Variants in PRXL2C observed in about 807,000 individuals in gnomAD.
PRXL2C encodes the protein peroxiredoxin like 2C.
In PRXL2C, 38 loss-of-function variants were observed where a neutral mutation model predicts 24.9. That is an observed-to-expected ratio of 1.53 (90% CI 1.18 to 2.00). The LOEUF is 2.00. Among genes scored for constraint, PRXL2C ranks in the 30% most tolerant of loss-of-function variants. PRXL2C has a pLI of 0.00. For synonymous variants in PRXL2C, 98 were observed against 117.2 expected (o/e 0.84, Z 1.06); for missense variants, 294 against 290.9 (o/e 1.01, Z -0.08).
At chr9:96,653,318 C>A (rs1848300671) in intron 2 of PRXL2C, among the ~76,000 whole-genome samples, 2 of 151,924 alleles carry the variant, frequency 1.3e-5, no homozygotes, top group South Asian at 4.2e-4. Flanking sequence ...ACACTAGATG[C>A]ACCTGGAGGA....
At chr9:96,651,581 T>C in intron 3 of PRXL2C, 78 bp downstream of exon 3, 4 of 1,542,608 alleles carry the variant, frequency 2.6e-6, no homozygotes, top group Non-Finnish European at 3.6e-6. Flanking sequence ...TTAGCCTACA[T>C]TTAGTGGTTT....
chr9:96,647,966 C>G (rs566578515), intron 4 of PRXL2C, among the ~76,000 whole-genome samples: 3 of 152,144 alleles, frequency 2.0e-5, no homozygotes. Context: ...TGCAGTGGCA[C>G]GATCACTGCT....
intron 1 of PRXL2C, 95 bp downstream of exon 1, chr9:96,654,994 GT>G: frequency 7.4e-7 from 1 of 1,356,510 alleles, no homozygotes. Context: ...CTGCCTTCCC[GT>G]TTCCGTCCTA....
chr9:96,653,226 C>CA (rs564015906), intron 2 of PRXL2C, among the ~76,000 whole-genome samples: 1,102 of 98,870 alleles, frequency 0.011, 8 homozygotes, highest in African/African-American at 0.024. Flanking sequence ...GACTCCATCT[C>CA]AAAAAAAAAA....
intron 5 of PRXL2C, among the ~76,000 whole-genome samples, chr9:96,642,807 T>C (rs765829648): frequency 1.3e-5 from 2 of 152,162 alleles, no homozygotes; most frequent in Non-Finnish European, 2.9e-5. Flanking sequence ...CCTCCCAAAG[T>C]GCTGGGATTA....
rs1361152391 is a variant in PRXL2C, at chr9:96,640,349, TG to T, written c.*1409del. 6.7e-6 allele frequency: 1 copy of T among 150,052 alleles called. No individual in the cohort carries two copies. The highest frequency in any genetic ancestry group is 1.5e-5 in the Non-Finnish European group (1 of 67,672). The allele number at this position is 150,052 out of a possible 1,614,324, so 9.3% of individuals were successfully genotyped here. On this transcript the variant is annotated 3_prime_UTR_variant, in exon 6 of 6. Coordinates refer to ENST00000375234, the MANE Select transcript of PRXL2C (RefSeq NM_153698.2). ...TTCGAGACCAGCCTGGCCAACATGG[TG>T]GAACCCCGTCTCTACTAAAAGTAGC...
In PRXL2C at chr9:96,641,456, A is replaced by C. The variant is rs990993394; in HGVS notation, c.*303T>G. 3.1e-5 allele frequency: 6 copies of C among 191,452 alleles called. No individual in the cohort carries two copies. Among genetic ancestry groups the C allele is most frequent in the Non-Finnish European group, 6.3e-5 (6 of 94,588 alleles). The allele number at this position is 191,452 out of a possible 1,614,324, so 11.9% of individuals were successfully genotyped here. A position where few individuals can be genotyped will look rare whatever the true frequency, so the allele number is the denominator to read the frequency against. On this transcript the variant is annotated 3_prime_UTR_variant, in exon 6 of 6. Transcript: ENST00000375234. ...TGCCAAAAAACTCTTTCATTGACTG[A>C]ATATACCATAATGTAAAATAATTTA...
rs1397535810 is a variant in PRXL2C, at chr9:96,655,259, G to T, written c.23C>A (p.Thr8Lys). The T allele has an allele frequency of 1.8e-6, 2 of 1,099,676 alleles. No homozygotes were observed. Among genetic ancestry groups the T allele is most frequent in the Middle Eastern group, 4.0e-4 (1 of 2,528 alleles). 68.1% of individuals were successfully genotyped at this position (1,099,676 alleles called of 1,614,324 possible). A position where few individuals can be genotyped will look rare whatever the true frequency, so the allele number is the denominator to read the frequency against. The change falls in exon 1 of 6, where the codon ACG becomes AAG. Residue 8 changes from threonine to lysine, a missense_variant. Coordinates refer to ENST00000375234, the MANE Select transcript of PRXL2C (RefSeq NM_153698.2). MAAPAPV[T>K]RQVSGAAALV... is the part of the protein sequence containing the mutation. ...GGCGGCGGCGCCGCTAACCTGCCGC[G>T]TGACCGGGGCCGGCGCGGCCATGAC...
At chr9:96,644,803 G>A (rs1176708859) in intron 5 of PRXL2C, among the ~76,000 whole-genome samples, 1 of 149,032 alleles carries the variant, frequency 6.7e-6, no homozygotes, top group Non-Finnish European at 1.5e-5. Context: ...TATGGGATGA[G>A]CTGTCCCTAG....
At chr9:96,648,492 T>G (rs1396826292) in intron 4 of PRXL2C, among the ~76,000 whole-genome samples, 1 of 152,016 alleles carries the variant, frequency 6.6e-6, no homozygotes, top group Non-Finnish European at 1.5e-5. Context: ...TGCCTTAGTT[T>G]TCAAGTAAGA....
chr9:96,655,221 G>C lies in PRXL2C; in HGVS notation c.61C>G (p.Pro21Ala), dbSNP rs1848338177. The change falls in exon 1 of 6, where the codon CCG becomes GCG. Residue 21 changes from proline to alanine, a missense_variant. Coordinates refer to ENST00000375234, the MANE Select transcript of PRXL2C (RefSeq NM_153698.2). Reference sequence around the variant, plus strand: ...GGCTGCCCGCTGTCGGGGCCGCTCGGGGCCGGGACCAGGGCGGCGGCGCCG... The same window carrying C: ...GGCTGCCCGCTGTCGGGGCCGCTCGCGGCCGGGACCAGGGCGGCGGCGCCG... ...VSGAAALVPA[P>A]SGPDSGQPLA... The C allele has an allele frequency of 8.6e-7, 1 of 1,157,750 alleles. No homozygotes were observed. The highest frequency in any genetic ancestry group is 1.1e-6 in the Non-Finnish European group (1 of 941,722). 71.7% of individuals were successfully genotyped at this position (1,157,750 alleles called of 1,614,324 possible).
In PRXL2C at chr9:96,652,299, T is replaced by C. The variant is rs139916253; in HGVS notation, c.262-587A>G. On this transcript the variant is annotated intron_variant, in intron 2 of 5. Transcript: ENST00000375234. ...CAGCACTTTTGCCAAGTCAGGTGGA[T>C]CACCTGAGGTCAGGAGATCAAGACC... 5.0e-4 allele frequency among the ~76,000 whole-genome samples: 76 copies of C among 152,148 alleles called. 1 individual carries two copies. The East Asian group carries it at 0.014, about 28-fold the overall frequency.
Position 96,641,714 on chromosome 9 carries a change from C to A in PRXL2C, c.*45G>T. 1 of 1,513,950 alleles carries A rather than the reference C, an allele frequency of 6.6e-7. No individual in the cohort carries two copies. 93.8% of individuals were successfully genotyped at this position (1,513,950 alleles called of 1,614,324 possible). On this transcript the variant is annotated 3_prime_UTR_variant, in exon 6 of 6. Transcript: ENST00000375234. Reference sequence around the variant, plus strand: ...GATATTACACCCAGGCATTGAAGGTCACATTCCAGAAGGTCCAGTTGAAAG... The same window carrying A: ...GATATTACACCCAGGCATTGAAGGTAACATTCCAGAAGGTCCAGTTGAAAG...
intron 5 of PRXL2C, among the ~76,000 whole-genome samples, chr9:96,645,047 C>T (rs957816312): frequency 3.3e-5 from 5 of 151,168 alleles, no homozygotes; most frequent in Admixed American, 1.3e-4. Context: ...GCTGGGACTA[C>T]AGGCACCCGC....
rs1436542634 is a variant in PRXL2C, at chr9:96,651,506, A to G, written c.316-11T>C. On this transcript the variant is annotated splice_polypyrimidine_tract_variant and intron_variant, in intron 3 of 5. Transcript: ENST00000375234. ...CAGCTTGCAAAAAGGCTGAAAAGAG[A>G]GAATGGTTGGAATTTTTACAAGAAC... is the stretch of plus-strand genomic sequence containing the variant. 1 of 1,603,096 alleles carries G rather than the reference A, an allele frequency of 6.2e-7. No individual in the cohort carries two copies. Among genetic ancestry groups the G allele is most frequent in the African/African-American group, 1.3e-5 (1 of 74,430 alleles).
Position 96,646,111 on chromosome 9 carries a change from T to C in PRXL2C, c.422-87A>G, listed in dbSNP as rs1014629869. 3.7e-6 allele frequency: 5 copies of C among 1,366,710 alleles called. No homozygotes were observed. The African/African-American group carries it at 6.0e-5, about 16-fold the overall frequency. The allele number at this position is 1,366,710 out of a possible 1,614,324, so 84.7% of individuals were successfully genotyped here. On this transcript the variant is annotated intron_variant, in intron 4 of 5. Coordinates refer to ENST00000375234, the MANE Select transcript of PRXL2C (RefSeq NM_153698.2). ...ATGTATTTCTAGAAAACATTCTCTT[T>C]CTTCCTTTAAAGAATGGTTTCTCAA...
At chr9:96,651,620 G>A (rs762177410) in intron 3 of PRXL2C, 39 bp downstream of exon 3, 7 of 1,577,252 alleles carry the variant, frequency 4.4e-6, no homozygotes, top group Non-Finnish European at 5.2e-6. Context: ...GTCTGAAACA[G>A]ATTTTATTCA....
In PRXL2C at chr9:96,654,754, C is replaced by G. The variant is rs142695697; in HGVS notation, c.212G>C (p.Cys71Ser). The G allele has an allele frequency of 1.7e-5, 26 of 1,566,176 alleles. No homozygotes were observed. Among genetic ancestry groups the G allele is most frequent in the Non-Finnish European group, 2.3e-5 (26 of 1,154,136 alleles). The change falls in exon 2 of 6, where the codon TGC becomes TCC. Residue 71 changes from cysteine (C) to serine (S), a missense_variant. Physicochemically the swap from Cys to Ser is moderately radical, Grantham distance 112. Coordinates refer to ENST00000375234, the MANE Select transcript of PRXL2C (RefSeq NM_153698.2). ...VFVRHFLCYI[C>S]KEYVEDLAKI... ...GGCCAGATCCTCTACGTATTCCTTG[C>G]AGATGTAACACAGGAAATGCTGAAA...
chr9:96,654,630 G>A, intron 2 of PRXL2C, 75 bp downstream of exon 2: 4 of 1,402,078 alleles, frequency 2.9e-6, no homozygotes, highest in Non-Finnish European at 3.9e-6. Flanking sequence ...TTCCGCGCTG[G>A]AGCCGCGTCC....
Sources: gnomAD v4.1 joint callset for allele counts (sites outside exome capture counted in the v4.1 genomes callset) on GRCh38, gnomAD v4.1.1 for gene constraint, MANE v1.5 for transcripts, NCBI Gene and HGNC (gene_info 2026-07-23, HGNC 2026-07-21) for gene names.